The following HOOK3 variants were observed in gnomAD, a reference collection of about 807,000 sequenced individuals.
HOOK3 encodes hook microtubule tethering protein 3.
In HOOK3, 24 loss-of-function variants were observed where a neutral mutation model predicts 116.3. The ratio of observed to expected loss-of-function variants is 0.21; its 90% CI spans 0.15 to 0.29. The LOEUF (loss-of-function observed/expected upper bound fraction) is 0.29. Ranked by LOEUF, HOOK3 falls within the 10% of genes least tolerant of loss-of-function variation. The pLI, the probability that HOOK3 is intolerant of heterozygous loss-of-function variation, is 1.00. For missense variants in HOOK3, 632 were observed against 830.2 expected, an observed-to-expected ratio of 0.76 and a Z score of 2.93; for synonymous variants, 275 against 283.0, an observed-to-expected ratio of 0.97 and a Z score of 0.28.
intron 15 of HOOK3, among the ~76,000 whole-genome samples, chr8:42,992,022 C>G (rs542197977): frequency 1.3e-5 from 2 of 152,074 alleles, no homozygotes; most frequent in South Asian, 4.1e-4. Flanking sequence ...TGCTTAATTC[C>G]TAGGTATTTT....
chr8:42,953,798 A>C (rs1333711001), intron 6 of HOOK3, among the ~76,000 whole-genome samples: 4 of 152,162 alleles, frequency 2.6e-5, no homozygotes, highest in African/African-American at 9.7e-5. Flanking sequence ...ATTCACTACA[A>C]TCCTGTGAGG....
intron 2 of HOOK3, among the ~76,000 whole-genome samples, chr8:42,906,532 G>A (rs1015003519): frequency 3.3e-5 from 5 of 152,286 alleles, no homozygotes; most frequent in African/African-American, 9.6e-5. Context: ...TTAGTGGCCA[G>A]ATTTTGCTGT....
intron 8 of HOOK3, among the ~76,000 whole-genome samples, chr8:42,961,274 G>T (rs1429731319): frequency 1.3e-5 from 2 of 152,074 alleles, no homozygotes; most frequent in Non-Finnish European, 2.9e-5. Context: ...TTATATTCTG[G>T]TTTTTACATG....
At chr8:42,940,943 T>C (rs879706049) in intron 4 of HOOK3, among the ~76,000 whole-genome samples, 51 of 150,746 alleles carry the variant, frequency 3.4e-4, no homozygotes, top group East Asian at 1.2e-3. Flanking sequence ...TATTTATTTA[T>C]TTACTTACTT....
intron 1 of HOOK3, among the ~76,000 whole-genome samples, chr8:42,904,437 G>A (rs1196644630): frequency 1.3e-5 from 2 of 151,342 alleles, no homozygotes; most frequent in African/African-American, 2.4e-5. Context: ...AGCCTCCAGT[G>A]TAGCTTGGAC....
chr8:42,961,262 C>T (rs895016276), intron 8 of HOOK3, among the ~76,000 whole-genome samples: 1 of 152,188 alleles, frequency 6.6e-6, no homozygotes, highest in African/African-American at 2.4e-5. Context: ...CTGCATAGCA[C>T]TTTATATTCT....
chr8:43,001,504 T>C (rs1480224415), intron 16 of HOOK3, among the ~76,000 whole-genome samples: 1 of 152,104 alleles, frequency 6.6e-6, no homozygotes, highest in Admixed American at 6.6e-5. Context: ...AATGTCTTTA[T>C]TGTTTATTTT....
At chr8:42,944,960 C>T (rs1222214998) in intron 5 of HOOK3, among the ~76,000 whole-genome samples, 2 of 152,058 alleles carry the variant, frequency 1.3e-5, no homozygotes, top group Non-Finnish European at 2.9e-5. Context: ...TTTTAAGCTC[C>T]CAGAGCTGAA....
chr8:42,992,748 T>TTGTA (rs1809191971), intron 15 of HOOK3, among the ~76,000 whole-genome samples: 1 of 151,992 alleles, frequency 6.6e-6, no homozygotes, highest in Non-Finnish European at 1.5e-5. Context: ...TTACTGATTT[T>TTGTA]TGTATGTTGA....
chr8:42,941,170 C>A (rs1808111908), intron 4 of HOOK3, among the ~76,000 whole-genome samples: 2 of 151,240 alleles, frequency 1.3e-5, no homozygotes, highest in Admixed American at 1.3e-4. Flanking sequence ...TGGTTTCAAA[C>A]TCCTGACCTC....
intron 13 of HOOK3, among the ~76,000 whole-genome samples, chr8:42,978,453 C>G (rs1450462804): frequency 6.6e-6 from 1 of 151,268 alleles, no homozygotes; most frequent in Non-Finnish European, 1.5e-5. Context: ...TCTTGTCCCC[C>G]AGGCTGGAGT....
intron 21 of HOOK3, among the ~76,000 whole-genome samples, chr8:43,014,286 A>G (rs1021975613): frequency 1.6e-3 from 145 of 89,230 alleles, no homozygotes; most frequent in African/African-American, 6.5e-3. Context: ...ACTGTCTCAG[A>G]AAAAAAAAAA....
At chr8:42,923,838 GTAAA>G (rs969899380) in intron 2 of HOOK3, among the ~76,000 whole-genome samples, 3 of 152,150 alleles carry the variant, frequency 2.0e-5, no homozygotes, top group African/African-American at 7.2e-5. Context: ...GTTTCTAAAA[GTAAA>G]TAGATAATGA....
At chr8:42,980,037 C>T (rs1200590818) in intron 13 of HOOK3, among the ~76,000 whole-genome samples, 3 of 149,334 alleles carry the variant, frequency 2.0e-5, no homozygotes, top group Non-Finnish European at 4.4e-5. Context: ...GATCTCTGCT[C>T]ACTGCAACCT....
rs1414134564 is a variant in HOOK3 at position 43,016,204 on chromosome 8, G to A, written c.2017-2154G>A. On this transcript the variant is annotated intron_variant, in intron 21 of 21. Transcript: ENST00000307602. ...ACGATCTCGGCTCACTGTAAGCTCC[G>A]ACTCCTGGGTTCACGCCATCCTCTT... Among the ~76,000 whole-genome samples, 14 of 149,396 alleles carry A rather than the reference G, an allele frequency of 9.4e-5. 1 individual carries two copies. Among genetic ancestry groups the A allele is most frequent in the Admixed American group, 8.7e-4 (13 of 14,920 alleles).
intron 4 of HOOK3, among the ~76,000 whole-genome samples, chr8:42,933,407 G>A (rs1034254683): frequency 2.0e-5 from 3 of 152,102 alleles, no homozygotes; most frequent in African/African-American, 7.2e-5. Context: ...CATACACTAC[G>A]TATTGTGTAA....
At chr8:42,971,689 T>A (rs549992346) in intron 11 of HOOK3, among the ~76,000 whole-genome samples, 229 of 152,208 alleles carry the variant, frequency 1.5e-3, no homozygotes, top group African/African-American at 5.4e-3. Flanking sequence ...TTAATTAATT[T>A]ATTTATTTTG....
intron 1 of HOOK3, among the ~76,000 whole-genome samples, chr8:42,899,970 C>T (rs1394892570): frequency 6.6e-6 from 1 of 152,142 alleles, no homozygotes; most frequent in Non-Finnish European, 1.5e-5. Context: ...AATTATTCCA[C>T]TAGAAATGGC....
At chr8:42,935,469 C>A (rs1807949487) in intron 4 of HOOK3, among the ~76,000 whole-genome samples, 1 of 152,102 alleles carries the variant, frequency 6.6e-6, no homozygotes, top group South Asian at 2.1e-4. Context: ...TTTGCCCATG[C>A]CTGTGTCCTG....
Sources: allele counts gnomAD v4.1 joint callset (sites outside exome capture counted in the v4.1 genomes callset), GRCh38; gene constraint gnomAD v4.1.1; transcripts MANE v1.5; gene names NCBI Gene and HGNC (gene_info 2026-07-23, HGNC 2026-07-21).